Variants in FGFR3 observed in about 807,000 individuals in gnomAD.
The protein encoded by FGFR3 is fibroblast growth factor receptor 3.
A neutral mutation model predicts 82.9 loss-of-function variants in FGFR3; 25 were observed. The ratio of observed to expected loss-of-function variants is 0.30; its 90% CI spans 0.22 to 0.42. The LOEUF (loss-of-function observed/expected upper bound fraction) is 0.42. Ranked by LOEUF, FGFR3 falls within the 10% of genes least tolerant of loss-of-function variation. The probability of loss-of-function intolerance (pLI) is 1.00; values close to 1 mark genes in which losing one functional copy is unlikely to be tolerated. For missense variants in FGFR3, 1,026 were observed against 1,161.0 expected (o/e 0.88, Z 1.69); for synonymous variants, 620 against 516.0 (o/e 1.20, Z -2.73).
At chr4:1,801,581 G>A (rs1279220940) in intron 5 of FGFR3, 39 bp from the exon 6 acceptor site, 4 of 1,585,778 alleles carry the variant, frequency 2.5e-6, no homozygotes, top group Non-Finnish European at 1.7e-6. Context: ...CGCGGTGGTT[G>A]CTGCCTCCGC....
chr4:1,801,572 G>A (rs772417748), intron 5 of FGFR3, 36 bp downstream of exon 5: 78 of 1,579,600 alleles, frequency 4.9e-5, no homozygotes, highest in Non-Finnish European at 6.1e-5. Context: ...CCTGGCAGGC[G>A]CGGTGGTTGC....
chr4:1,807,610 C>G lies in FGFR3; in HGVS notation c.*348C>G. The stretch of plus-strand genomic sequence containing the variant: ...CCCCCGTGGGGCAGGGAGCTGGGCC[C>G]GACATGGCTCCGGCCTCTGCCTTTG... On this transcript the variant is annotated 3_prime_UTR_variant, in exon 18 of 18. Transcript: ENST00000440486. 1.5e-6 allele frequency: 1 copy of G among 666,542 alleles called. No individual in the cohort carries two copies. Among genetic ancestry groups the G allele is most frequent in the South Asian group, 1.4e-5 (1 of 72,830 alleles). The allele number at this position is 666,542 out of a possible 1,614,324, so 41.3% of individuals were successfully genotyped here.
chr4:1,803,221 A>G (rs1721423216), intron 7 of FGFR3: 1 of 901,866 alleles, frequency 1.1e-6, no homozygotes, highest in Non-Finnish European at 1.5e-6. Context: ...TCCAGCCTCC[A>G]CGGTGACCGC....
chr4:1,806,830 T>A lies in FGFR3; in HGVS notation c.2170T>A (p.Tyr724Asn), dbSNP rs1174386131. ...DKPANCTHDL[Y>N]MIMRECWHAA... ...CACTCCTGAGCGCCCTGCCCGCAGGTACATGATCATGCGGGAGTGCTGGCA... is the reference window on the plus strand; with the variant it reads ...CACTCCTGAGCGCCCTGCCCGCAGGAACATGATCATGCGGGAGTGCTGGCA... The change falls in exon 17 of 18, where the codon TAC (tyrosine) becomes AAC (asparagine). Residue 724 changes from tyrosine to asparagine, a missense_variant and splice_region_variant. Around this residue, in one of 9 missense-constraint regions of FGFR3, gnomAD observed 155 missense variants for 150.2 expected, o/e 1.03. Transcript: ENST00000440486. 6.2e-7 allele frequency: 1 copy of A among 1,604,690 alleles called. No individual in the cohort carries two copies.
Position 1,805,929 on chromosome 4 carries a change from G to A in FGFR3, c.1825G>A (p.Ala609Thr), listed in dbSNP as rs1187984140. The A allele has an allele frequency of 2.5e-6, 4 of 1,609,412 alleles. No individual in the cohort carries two copies. Among genetic ancestry groups the A allele is most frequent in the South Asian group, 1.1e-5 (1 of 90,824 alleles). Residue 609 changes from alanine to threonine, a missense_variant, in exon 13 of 18, where the codon GCC becomes ACC. Physicochemically the swap from Ala to Thr is moderately conservative, Grantham distance 58. This residue lies in a region of FGFR3 where 164 missense variants were observed against 167.5 expected (regional missense o/e 0.98). Transcript: ENST00000440486. ...GGTGGCCCGGGGCATGGAGTACTTGGCCTCCCAGAAGGTGGGCAGGGCGGC... is the reference window on the plus strand; with the variant it reads ...GGTGGCCCGGGGCATGGAGTACTTGACCTCCCAGAAGGTGGGCAGGGCGGC... ...YQVARGMEYL[A>T]SQKCIHRDLA...
chr4:1,799,478 C>T lies in FGFR3; in HGVS notation c.334C>T (p.Arg112Trp), dbSNP rs1034392278. 11 of 1,586,424 alleles carry T rather than the reference C, an allele frequency of 6.9e-6. No homozygotes were observed. The highest frequency in any genetic ancestry group is 4.6e-5 in the East Asian group (2 of 43,142). The change falls in exon 3 of 18, where the codon CGG becomes TGG. Residue 112 changes from arginine to tryptophan, a missense_variant. Transcript: ENST00000440486. ...EDSGAYSCRQ[R>W]LTQRVLCHFS... is the part of the protein sequence containing the mutation. Reference sequence around the variant, plus strand: ...CTCCGGGGCCTACAGCTGCCGGCAGCGGCTCACGCAGCGCGTACTGTGCCA... The same window carrying T: ...CTCCGGGGCCTACAGCTGCCGGCAGTGGCTCACGCAGCGCGTACTGTGCCA...
Position 1,806,850 on chromosome 4 carries a change from C to T in FGFR3, c.2190C>T (p.Cys730=), listed in dbSNP as rs2108814225. Residue 730 remains cysteine (C), a synonymous_variant, in exon 17 of 18, where the codon TGC becomes TGT. Coordinates refer to ENST00000440486, the MANE Select transcript of FGFR3 (RefSeq NM_000142.5). ...THDLYMIMRE[C]WHAAPSQRPT... is the part of the protein sequence containing the mutation. ...GCAGGTACATGATCATGCGGGAGTGCTGGCATGCCGCGCCCTCCCAGAGGC... is the reference window on the plus strand; with the variant it reads ...GCAGGTACATGATCATGCGGGAGTGTTGGCATGCCGCGCCCTCCCAGAGGC... The T allele has an allele frequency of 6.2e-7, 1 of 1,610,152 alleles. No individual in the cohort carries two copies. Among genetic ancestry groups the T allele is most frequent in the South Asian group, 1.1e-5 (1 of 90,562 alleles).
Position 1,801,609 on chromosome 4 carries a change from T to C in FGFR3, c.616-11T>C, listed in dbSNP as rs2108781561. ...GCCTCCGCTCACTCACCCGCCCGCG[T>C]CCCGGTGCAGCTGCGGCATCAGCAG... On this transcript the variant is annotated splice_polypyrimidine_tract_variant and intron_variant, in intron 5 of 17. Coordinates refer to ENST00000440486, the MANE Select transcript of FGFR3 (RefSeq NM_000142.5). 1 of 1,605,528 alleles carries C rather than the reference T, an allele frequency of 6.2e-7. No individual in the cohort carries two copies. Among genetic ancestry groups the C allele is most frequent in the South Asian group, 1.1e-5 (1 of 89,852 alleles).
chr4:1,807,475 C>G lies in FGFR3; in HGVS notation c.*213C>G, dbSNP rs17884965. 5.4e-4 allele frequency: 413 copies of G among 765,054 alleles called. 2 individuals carry two copies. The African/African-American group carries it at 6.1e-3, about 11-fold the overall frequency. 47.4% of individuals were successfully genotyped at this position (765,054 alleles called of 1,614,324 possible). ...TCTTGCCTCCAGGTGCAGAGGTACCCTGGGTGTCCCCGCTGCTGTGCAACG... is the reference window on the plus strand; with the variant it reads ...TCTTGCCTCCAGGTGCAGAGGTACCGTGGGTGTCCCCGCTGCTGTGCAACG... On this transcript the variant is annotated 3_prime_UTR_variant, in exon 18 of 18. Coordinates refer to ENST00000440486, the MANE Select transcript of FGFR3 (RefSeq NM_000142.5).
intron 2 of FGFR3, among the ~76,000 whole-genome samples, chr4:1,795,404 C>T (rs935696781): frequency 6.6e-6 from 1 of 151,970 alleles, no homozygotes; most frequent in Admixed American, 6.5e-5. Flanking sequence ...CTCCCCCAGT[C>T]GCTCCTGGAA....
At chr4:1,795,375 C>T (rs1299196364) in intron 2 of FGFR3, among the ~76,000 whole-genome samples, 1 of 151,838 alleles carries the variant, frequency 6.6e-6, no homozygotes, top group African/African-American at 2.4e-5. Flanking sequence ...CTCCTGGACC[C>T]CCTGCGGGCG....
chr4:1,803,740 C>T lies in FGFR3; in HGVS notation c.979C>T (p.His327Tyr), dbSNP rs985445815. 6.2e-7 allele frequency: 1 copy of T among 1,613,950 alleles called. No homozygotes were observed. Among genetic ancestry groups the T allele is most frequent in the East Asian group, 2.2e-5 (1 of 44,896 alleles). ...TDKELEVLSL[H>Y]NVTFEDAGEY... Reference sequence around the variant, plus strand: ...CAAGGAGCTAGAGGTTCTCTCCTTGCACAACGTCACCTTTGAGGACGCCGG... The same window carrying T: ...CAAGGAGCTAGAGGTTCTCTCCTTGTACAACGTCACCTTTGAGGACGCCGG... The change falls in exon 8 of 18, where the codon CAC becomes TAC. Residue 327 changes from histidine (H) to tyrosine (Y), a missense_variant. His to Tyr is a moderately conservative substitution (Grantham distance 83). This residue lies in a region of FGFR3 where 256 missense variants were observed against 217.6 expected (regional missense o/e 1.18). Coordinates refer to ENST00000440486, the MANE Select transcript of FGFR3 (RefSeq NM_000142.5).
intron 2 of FGFR3, among the ~76,000 whole-genome samples, chr4:1,796,221 C>G (rs911753670): frequency 3.3e-5 from 5 of 152,134 alleles, no homozygotes; most frequent in Admixed American, 1.3e-4. Context: ...CGGGTGCCCT[C>G]TTCGAACCTC....
intron 12 of FGFR3, 37 bp downstream of exon 12, chr4:1,805,706 C>T: frequency 6.2e-7 from 1 of 1,611,000 alleles, no homozygotes; most frequent in South Asian, 1.1e-5. Context: ...GGCTGGGCGG[C>T]CCTCCTGGGC....
chr4:1,794,428 CG>C (rs1560386296), intron 2 of FGFR3, among the ~76,000 whole-genome samples: 2 of 152,318 alleles, frequency 1.3e-5, no homozygotes, highest in East Asian at 1.9e-4. Flanking sequence ...CCCCCTCCCC[CG>C]GGCCCCAGTT....
rs545617229 is a variant in FGFR3, at chr4:1,805,391, C to T, written c.1449C>T (p.Phe483=). 127 of 1,612,444 alleles carry T rather than the reference C, an allele frequency of 7.9e-5. 1 individual carries two copies. The South Asian group carries it at 1.1e-3, about 14-fold the overall frequency. ...TLGKPLGEGC[F]GQVVMAEAIG... The stretch of plus-strand genomic sequence containing the variant: ...GCAAGCCCCTTGGGGAGGGCTGCTT[C>T]GGCCAGGTGGTCATGGCGGAGGCCA... The change falls in exon 11 of 18, where the codon TTC becomes TTT. Residue 483 remains phenylalanine (F), a synonymous_variant. Transcript: ENST00000440486.
At position 1,806,882 on chromosome 4, in the gene FGFR3, T is replaced by C. The variant is rs768999235; in HGVS notation, c.2222T>C (p.Phe741Ser). Residue 741 changes from phenylalanine to serine, a missense_variant, in exon 17 of 18, where the codon TTC becomes TCC. Coordinates refer to ENST00000440486, the MANE Select transcript of FGFR3 (RefSeq NM_000142.5). ...WHAAPSQRPTFKQLVEDLDRV... is the reference protein window; with the variant it reads ...WHAAPSQRPTSKQLVEDLDRV... ...GCCGCGCCCTCCCAGAGGCCCACCT[T>C]CAAGCAGCTGGTGGAGGACCTGGAC... The C allele has an allele frequency of 1.9e-6, 3 of 1,611,840 alleles. No individual in the cohort carries two copies. The highest frequency in any genetic ancestry group is 8.5e-7 in the Non-Finnish European group (1 of 1,179,610).
intron 7 of FGFR3, 59 bp from the exon 8 acceptor site, chr4:1,803,633 T>G (rs1721480840): frequency 6.3e-7 from 1 of 1,591,066 alleles, no homozygotes; most frequent in Admixed American, 1.8e-5. Flanking sequence ...GTGTGGACTC[T>G]GTGCGGTGCC....
At chr4:1,799,176 C>T (rs1409410629) in intron 2 of FGFR3, 78 bp from the exon 3 acceptor site, 23 of 1,601,756 alleles carry the variant, frequency 1.4e-5, no homozygotes, top group African/African-American at 4.0e-5. Context: ...TCAGGGCCGC[C>T]GAGGCTTCCA....
Sources: allele counts gnomAD v4.1 joint callset (sites outside exome capture counted in the v4.1 genomes callset), GRCh38; gene constraint gnomAD v4.1.1; regional missense constraint gnomAD v4.1.1; transcripts MANE v1.5; gene names NCBI Gene and HGNC (gene_info 2026-07-23, HGNC 2026-07-21).